The following IGSF5 variants were observed in gnomAD, a reference collection of about 807,000 sequenced individuals.
IGSF5 encodes immunoglobulin superfamily 5 like.
In IGSF5, 41 loss-of-function variants were observed where a neutral mutation model predicts 39.4. The observed-to-expected ratio is 1.04, with a 90% CI of 0.81 to 1.35. The LOEUF (loss-of-function observed/expected upper bound fraction) is 1.35, where lower values mean the gene tolerates loss of function less well. Ranked by LOEUF, IGSF5 falls within the 40% of genes most tolerant of loss-of-function variation. IGSF5 has a pLI of 0.00. For missense variants in IGSF5, 487 were observed against 494.6 expected (o/e 0.98, Z 0.15); for synonymous variants, 183 against 175.3 (o/e 1.04, Z -0.34).
At chr21:39,719,743 C>T in the IGSF5 span, among the ~76,000 whole-genome samples, 2 of 152,212 alleles carry the variant, frequency 1.3e-5, no homozygotes, top group African/African-American at 4.8e-5. Flanking sequence ...ACAGGTATTA[C>T]ATGTAGACCA....
intron 4 of IGSF5, among the ~76,000 whole-genome samples, chr21:39,778,381 C>T (rs890477099): frequency 6.6e-5 from 10 of 152,130 alleles, no homozygotes; most frequent in Non-Finnish European, 1.0e-4. Flanking sequence ...ATGGCTTTTT[C>T]CTCTCTCCTT....
chr21:39,772,680 G>T (rs1353575939), intron 4 of IGSF5, among the ~76,000 whole-genome samples: 2 of 152,076 alleles, frequency 1.3e-5, no homozygotes, highest in African/African-American at 4.8e-5. Flanking sequence ...GGTTATTTTT[G>T]CAAGATGCCT....
At chr21:39,769,736 A>G (rs1198022095) in intron 3 of IGSF5, among the ~76,000 whole-genome samples, 1 of 152,102 alleles carries the variant, frequency 6.6e-6, no homozygotes. Context: ...TTTAGTTTAA[A>G]AATGTGATTC....
chr21:39,787,698 C>T (rs777741364), intron 5 of IGSF5, among the ~76,000 whole-genome samples: 4 of 151,706 alleles, frequency 2.6e-5, no homozygotes, highest in Non-Finnish European at 5.9e-5. Context: ...AATATAATAA[C>T]AGTAACACCT....
At chr21:39,741,379 G>T (rs909347023), upstream of IGSF5, among the ~76,000 whole-genome samples, 2 of 152,236 alleles carry the variant, frequency 1.3e-5, no homozygotes, top group Non-Finnish European at 2.9e-5. Context: ...GGATAAGCCA[G>T]TATAGGCTGG....
the IGSF5 span, among the ~76,000 whole-genome samples, chr21:39,728,772 G>A: frequency 4.6e-5 from 7 of 151,870 alleles, no homozygotes; most frequent in African/African-American, 1.7e-4. Flanking sequence ...CTCTTTTTTT[G>A]GTGATACAGT....
At chr21:39,743,601 AGGG>A (rs1263174992), upstream of IGSF5, among the ~76,000 whole-genome samples, 1 of 146,522 alleles carries the variant, frequency 6.8e-6, no homozygotes, top group African/African-American at 2.5e-5. Context: ...TGGGCTGAAG[AGGG>A]GGTTCTTATT....
the IGSF5 span, among the ~76,000 whole-genome samples, chr21:39,717,636 A>C: frequency 1.3e-5 from 2 of 152,210 alleles, no homozygotes; most frequent in Non-Finnish European, 2.9e-5. Context: ...ACTTTGTCAA[A>C]GATCAGATGG....
the IGSF5 span, among the ~76,000 whole-genome samples, chr21:39,737,059 A>T: frequency 6.6e-6 from 1 of 151,646 alleles, no homozygotes; most frequent in Non-Finnish European, 1.5e-5. Flanking sequence ...AGATGCTACA[A>T]CCCTGTGTAT....
At chr21:39,779,422 C>T in intron 5 of IGSF5, 117 bp downstream of exon 5, 1 of 1,302,148 alleles carries the variant, frequency 7.7e-7, no homozygotes, top group Non-Finnish European at 1.1e-6. Context: ...ATCACTTTAC[C>T]TCTATTAGAA....
At chr21:39,729,492 T>C in the IGSF5 span, 1 of 152,326 alleles carries the variant, frequency 6.6e-6, no homozygotes, top group South Asian at 2.1e-4. Flanking sequence ...GGGCACTCTT[T>C]GCCTTTGACA....
the IGSF5 span, chr21:39,722,465 C>T: frequency 7.2e-5 from 11 of 152,282 alleles, no homozygotes; most frequent in African/African-American, 2.6e-4. Flanking sequence ...ACATTTCTGT[C>T]CCTACAGCAG....
chr21:39,739,102 G>A, the IGSF5 span, among the ~76,000 whole-genome samples: 10 of 152,096 alleles, frequency 6.6e-5, no homozygotes, highest in South Asian at 2.1e-4. Context: ...GCTAATTTTT[G>A]TATTTTTGGT....
At chr21:39,768,721 AC>A (rs2080099005) in intron 3 of IGSF5, among the ~76,000 whole-genome samples, 1 of 152,170 alleles carries the variant, frequency 6.6e-6, no homozygotes, top group South Asian at 2.1e-4. Flanking sequence ...CAAGGGACAA[AC>A]CCTTTCTCCA....
At chr21:39,794,886 C>T (rs1484445316) in intron 8 of IGSF5, among the ~76,000 whole-genome samples, 2 of 152,148 alleles carry the variant, frequency 1.3e-5, no homozygotes, top group East Asian at 3.9e-4. Context: ...AATAATATTC[C>T]TCCCTGCAAT....
At chr21:39,731,317 C>T in the IGSF5 span, among the ~76,000 whole-genome samples, 1 of 152,210 alleles carries the variant, frequency 6.6e-6, no homozygotes, top group Non-Finnish European at 1.5e-5. Context: ...GGTCTAAGTC[C>T]CCTCTCCCTG....
chr21:39,784,184 A>T (rs1357565609), intron 5 of IGSF5, among the ~76,000 whole-genome samples: 1 of 152,252 alleles, frequency 6.6e-6, no homozygotes, highest in African/African-American at 2.4e-5. Flanking sequence ...CCTGGGAATT[A>T]TTCCATATGC....
At chr21:39,736,606 C>T in the IGSF5 span, among the ~76,000 whole-genome samples, 2 of 152,178 alleles carry the variant, frequency 1.3e-5, no homozygotes, top group African/African-American at 4.8e-5. Context: ...AGGGCTTCCT[C>T]TCTTGCCCCA....
intron 3 of IGSF5, among the ~76,000 whole-genome samples, chr21:39,768,995 C>G (rs903330386): frequency 3.3e-5 from 5 of 152,152 alleles, no homozygotes; most frequent in African/African-American, 1.2e-4. Context: ...CACAAGTGCA[C>G]AGGAGAGCTT....
Sources: gnomAD v4.1 joint callset for allele counts (sites outside exome capture counted in the v4.1 genomes callset) on GRCh38, gnomAD v4.1.1 for gene constraint, MANE v1.5 for transcripts, NCBI Gene and HGNC (gene_info 2026-07-23, HGNC 2026-07-21) for gene names.